CDKN2B-AS1: variants seen among roughly 807,000 people sequenced by gnomAD.
CDKN2B-AS1 encodes the protein CDKN2B antisense RNA 1 (non-protein coding).
At chr9:22,089,150 TAGGTAG>T (rs1824971859) in intron 4 of CDKN2B-AS1, among the ~76,000 whole-genome samples, 1 of 152,148 alleles carries the variant, frequency 6.6e-6, no homozygotes, top group South Asian at 2.1e-4. Context: ...GCAACAAGAT[TAGGTAG>T]ATCACTTCAA....
At chr9:22,092,459 T>C (rs201032810) in intron 4 of CDKN2B-AS1, 6 of 152,102 alleles carry the variant, frequency 3.9e-5, no homozygotes, top group Non-Finnish European at 7.4e-5. Flanking sequence ...GTCCTGGACT[T>C]TTTTTGGTTG....
chr9:22,056,070 A>T (rs1823553164), intron 3 of CDKN2B-AS1, among the ~76,000 whole-genome samples: 1 of 142,650 alleles, frequency 7.0e-6, no homozygotes, highest in African/African-American at 2.6e-5. Flanking sequence ...TTTGAGACGG[A>T]GTCTTGCAGT....
At chr9:22,119,846 T>G (rs888515291) in intron 4 of CDKN2B-AS1, 2 of 152,226 alleles carry the variant, frequency 1.3e-5, no homozygotes, top group African/African-American at 4.8e-5. Context: ...AGCAGAGTTC[T>G]TCAGTGGGCT....
intron 1 of CDKN2B-AS1, among the ~76,000 whole-genome samples, chr9:22,021,607 G>A (rs538777217): frequency 6.6e-6 from 1 of 152,220 alleles, no homozygotes; most frequent in East Asian, 1.9e-4. Context: ...TCCTTGAGCA[G>A]TAGTTTGTGG....
At chr9:22,007,361 A>G (rs2131185262) in intron 1 of CDKN2B-AS1, among the ~76,000 whole-genome samples, 1 of 152,288 alleles carries the variant, frequency 6.6e-6, no homozygotes, top group East Asian at 1.9e-4. Context: ...CTCATCTCAA[A>G]AAAAATAAAA....
Position 21,997,976 on chromosome 9 carries a change from G to A in CDKN2B-AS1, n.29+2815G>A, listed in dbSNP as rs960862978. Among the ~76,000 whole-genome samples, 4 of 152,086 alleles carry A rather than the reference G, an allele frequency of 2.6e-5. No individual in the cohort carries two copies. Among genetic ancestry groups the A allele is most frequent in the Admixed American group, 2.6e-4 (4 of 15,270 alleles). On this transcript the variant is annotated intron_variant and non_coding_transcript_variant, in intron 1 of 4. Transcript: ENST00000650946. This position sits in a 1 kb window ranked among gnomAD's most constrained non-coding sequence, Gnocchi z 4.8. ...AAGTATAATCATTTTCTCTCCACAG[G>A]AACTAGACCTAGGGATAAGGGTAAT... is the stretch of plus-strand genomic sequence containing the variant.
intron 4 of CDKN2B-AS1, among the ~76,000 whole-genome samples, chr9:22,094,282 G>A (rs7848875): frequency 0.13 from 18,463 of 142,640 alleles, 6,761 homozygotes; most frequent in African/African-American, 0.53. Context: ...TGGCAAATCC[G>A]ACAATTATGT....
rs574045583 is a variant in CDKN2B-AS1, at chr9:22,005,741, T to C, written n.29+10580T>C. ...CCCTGGAATGTCACACACTCCTAAA[T>C]ATCCCTGGAAATCCGCTTCTCTGTG... On this transcript the variant is annotated intron_variant and non_coding_transcript_variant, in intron 1 of 4. Transcript: ENST00000650946. This position sits in a 1 kb window ranked among gnomAD's most constrained non-coding sequence, Gnocchi z 4.9. 6 of 601,674 alleles carry C rather than the reference T, an allele frequency of 1.0e-5. No individual in the cohort carries two copies. Among genetic ancestry groups the C allele is most frequent in the African/African-American group, 9.3e-5 (5 of 54,004 alleles). 37.3% of individuals were successfully genotyped at this position (601,674 alleles called of 1,614,324 possible).
intron 1 of CDKN2B-AS1, among the ~76,000 whole-genome samples, chr9:22,020,462 C>T (rs1455482517): frequency 6.6e-6 from 1 of 152,200 alleles, no homozygotes; most frequent in African/African-American, 2.4e-5. Flanking sequence ...CACAGTCCCC[C>T]ACAATGGTTG....
intron 4 of CDKN2B-AS1, among the ~76,000 whole-genome samples, chr9:22,057,343 T>C (rs1290305587): frequency 6.6e-6 from 1 of 152,156 alleles, no homozygotes; most frequent in Non-Finnish European, 1.5e-5. Context: ...TTCCTGTATA[T>C]CTATTATATA....
At chr9:22,016,222 GT>G (rs1166330272) in intron 1 of CDKN2B-AS1, among the ~76,000 whole-genome samples, 1 of 152,080 alleles carries the variant, frequency 6.6e-6, no homozygotes, top group Non-Finnish European at 1.5e-5. Flanking sequence ...GGTTTTTATG[GT>G]TTTAGGTCTA....
intron 1 of CDKN2B-AS1, among the ~76,000 whole-genome samples, chr9:22,019,869 TA>T (rs1002364520): frequency 3.7e-4 from 57 of 152,166 alleles, no homozygotes; most frequent in Middle Eastern, 3.4e-3. Flanking sequence ...CCAAACCCTT[TA>T]AAAAAAACTT....
intron 4 of CDKN2B-AS1, chr9:22,113,522 C>A (rs1473350266): frequency 6.6e-6 from 1 of 152,152 alleles, no homozygotes; most frequent in Non-Finnish European, 1.5e-5. Context: ...GGTATAAAAT[C>A]TTCGGGGTCA....
intron 4 of CDKN2B-AS1, among the ~76,000 whole-genome samples, chr9:22,067,295 G>T (rs1587484759): frequency 6.6e-6 from 1 of 152,308 alleles, no homozygotes; most frequent in East Asian, 1.9e-4. Flanking sequence ...GAGCAGATCA[G>T]AATGTTGTAT....
chr9:22,020,576 C>T (rs933723904), intron 1 of CDKN2B-AS1, among the ~76,000 whole-genome samples: 1 of 152,068 alleles, frequency 6.6e-6, no homozygotes, highest in Admixed American at 6.5e-5. Flanking sequence ...GCCATTCTGA[C>T]TTGTGTGAGA....
chr9:22,087,817 A>G (rs1307536750), intron 4 of CDKN2B-AS1, among the ~76,000 whole-genome samples: 1 of 152,180 alleles, frequency 6.6e-6, no homozygotes, highest in Non-Finnish European at 1.5e-5. Context: ...ACTAACTATA[A>G]ATTGAAAACC....
At chr9:22,004,530 A>T (rs1048090681) in intron 1 of CDKN2B-AS1, 2 of 232,438 alleles carry the variant, frequency 8.6e-6, no homozygotes, top group African/African-American at 2.2e-5. Context: ...ACCCATGAAC[A>T]TGTATTTTTA....
chr9:22,075,337 T>C (rs944009018), intron 4 of CDKN2B-AS1, among the ~76,000 whole-genome samples: 2 of 152,114 alleles, frequency 1.3e-5, no homozygotes, highest in African/African-American at 4.8e-5. Flanking sequence ...CCTGAGGAGA[T>C]TGTAGGAGAC....
At chr9:22,020,429 T>C (rs1200760265) in intron 1 of CDKN2B-AS1, among the ~76,000 whole-genome samples, 2 of 152,232 alleles carry the variant, frequency 1.3e-5, no homozygotes, top group Non-Finnish European at 2.9e-5. Context: ...TATTTCTGTC[T>C]TTAGGTCTTT....
Sources: gnomAD v4.1 joint callset for allele counts (sites outside exome capture counted in the v4.1 genomes callset) on GRCh38, gnomAD v4.1.1 for gene constraint, Gnocchi (gnomAD v3.1) non-coding constraint, MANE v1.5 for transcripts, NCBI Gene and HGNC (gene_info 2026-07-23, HGNC 2026-07-21) for gene names.